SEZ6: variants seen among roughly 807,000 people sequenced by gnomAD.
The protein encoded by SEZ6 is seizure protein 6 homolog.
SEZ6 carries 53 observed loss-of-function variants against 101.0 expected under a neutral mutation model. The ratio of observed to expected loss-of-function variants is 0.52; its 90% CI spans 0.42 to 0.66. SEZ6 has a LOEUF of 0.66. SEZ6 is among the 30% of genes least tolerant of loss of function. SEZ6 has a pLI of 0.00. For synonymous variants in SEZ6, 488 were observed against 512.2 expected (o/e 0.95, Z 0.64); for missense variants, 1,102 against 1,289.4 (o/e 0.85, Z 2.23).
chr17:28,980,207 C>CTT (rs3052135), intron 2 of SEZ6, among the ~76,000 whole-genome samples: 3 of 132,926 alleles, frequency 2.3e-5, no homozygotes, highest in Non-Finnish European at 4.8e-5. Flanking sequence ...TGTTTTCTTT[C>CTT]TTTTTTTTTT....
chr17:28,962,946 A>G (rs967781749), intron 5 of SEZ6, among the ~76,000 whole-genome samples: 1 of 151,964 alleles, frequency 6.6e-6, no homozygotes, highest in Non-Finnish European at 1.5e-5. Context: ...AACATGGTGA[A>G]ACCCCATCTC....
intron 14 of SEZ6, 106 bp downstream of exon 14, chr17:28,956,613 A>T: frequency 2.6e-6 from 4 of 1,517,622 alleles, no homozygotes; most frequent in South Asian, 1.2e-5. Context: ...CTAGGCCCAA[A>T]CCTCTCTCTT....
chr17:28,963,119 G>A (rs1245345333), intron 5 of SEZ6, among the ~76,000 whole-genome samples: 2 of 137,654 alleles, frequency 1.5e-5, no homozygotes. Context: ...GCGAGACTCC[G>A]TCTCGAAGAA....
intron 1 of SEZ6, among the ~76,000 whole-genome samples, chr17:28,992,835 C>T (rs2041483766): frequency 6.6e-6 from 1 of 152,206 alleles, no homozygotes; most frequent in Admixed American, 6.5e-5. Flanking sequence ...AATATGGTCT[C>T]GCCACTGCAG....
At chr17:28,979,924 T>TGG (rs1491031209) in intron 2 of SEZ6, 111 bp from the exon 3 acceptor site, 9 of 1,000,028 alleles carry the variant, frequency 9.0e-6, no homozygotes, top group Non-Finnish European at 6.8e-6. Context: ...TGTGTGTGTG[T>TGG]GGTGAAGACC....
rs759346724 is a variant in SEZ6, at chr17:28,957,232, G to C, written c.2505C>G (p.Leu835=). Residue 835 remains leucine (L), a synonymous_variant, in exon 13 of 17, where the codon CTC becomes CTG. Coordinates refer to ENST00000317338, the MANE Select transcript of SEZ6 (RefSeq NM_178860.5). Reference sequence around the variant, plus strand: ...GGGCACTGAGACCATGGCATGGCTTGAGCTGTTCCACTACAAAGCAGGCAG... The same window carrying C: ...GGGCACTGAGACCATGGCATGGCTTCAGCTGTTCCACTACAAAGCAGGCAG... ...DRAPKCLLEQ[L]KPCHGLSAPE... The C allele has an allele frequency of 9.9e-6, 16 of 1,613,926 alleles. No individual in the cohort carries two copies. Among genetic ancestry groups the C allele is most frequent in the Non-Finnish European group, 1.3e-5 (15 of 1,179,904 alleles).
intron 1 of SEZ6, among the ~76,000 whole-genome samples, chr17:28,982,288 A>G (rs1196136790): frequency 2.6e-5 from 4 of 152,164 alleles, no homozygotes; most frequent in African/African-American, 2.4e-5. Context: ...CCATCCGTGC[A>G]CTATTTCCTA....
intron 15 of SEZ6, 35 bp downstream of exon 15, chr17:28,956,307 GAGGTATGC>G: frequency 1.3e-6 from 2 of 1,582,950 alleles, no homozygotes; most frequent in Non-Finnish European, 1.7e-6. Context: ...GGGTAGGAGT[GAGGTATGC>G]AGGTATGCAG....
Position 28,957,082 on chromosome 17 carries a change from G to A in SEZ6, c.2655C>T (p.Pro885=), listed in dbSNP as rs1429058916. 3.1e-6 allele frequency: 5 copies of A among 1,608,404 alleles called. No individual in the cohort carries two copies. The highest frequency in any genetic ancestry group is 4.3e-6 in the Non-Finnish European group (5 of 1,175,918). ...QASIKCVPGH[P]SHWSDPPPIC... is the part of the protein sequence containing the mutation. ...TGGGTGGGGGGTCACTCCAATGCGA[G>A]GGGTGCCCAGGCACACACTTGATGC... Residue 885 remains proline (P), a synonymous_variant, in exon 13 of 17, where the codon CCC becomes CCT. Transcript: ENST00000317338.
chr17:28,956,792 G>A, intron 13 of SEZ6, 35 bp from the exon 14 acceptor site: 1 of 1,556,066 alleles, frequency 6.4e-7, no homozygotes, highest in Non-Finnish European at 8.7e-7. Flanking sequence ...GGCAGTGAGT[G>A]AGCCCAATGG....
At chr17:28,989,296 TACC>T (rs1408676724) in intron 1 of SEZ6, among the ~76,000 whole-genome samples, 2 of 152,186 alleles carry the variant, frequency 1.3e-5, no homozygotes, top group Non-Finnish European at 2.9e-5. Flanking sequence ...AGTATACATT[TACC>T]ACATGCCCAG....
At chr17:28,990,653 T>G (rs2041443721) in intron 1 of SEZ6, among the ~76,000 whole-genome samples, 1 of 151,944 alleles carries the variant, frequency 6.6e-6, no homozygotes, top group Non-Finnish European at 1.5e-5. Context: ...AGAAGTGGAC[T>G]CAGTGTAGGA....
intron 5 of SEZ6, among the ~76,000 whole-genome samples, chr17:28,962,876 G>C (rs1460356562): frequency 6.6e-6 from 1 of 151,654 alleles, no homozygotes; most frequent in East Asian, 1.9e-4. Flanking sequence ...TGTAATCCCA[G>C]CACTTTGGGA....
At chr17:28,997,639 G>A (rs1182530949) in intron 1 of SEZ6, among the ~76,000 whole-genome samples, 3 of 152,298 alleles carry the variant, frequency 2.0e-5, no homozygotes, top group South Asian at 2.1e-4. Context: ...CTCTCCTGGT[G>A]ATGGACAGTT....
At position 28,958,103 on chromosome 17, in the gene SEZ6, T is replaced by C; in HGVS notation, c.2146A>G (p.Ile716Val). ...RNDTCPELPEIPNGWKSPSQP... is the reference protein window; with the variant it reads ...RNDTCPELPEVPNGWKSPSQP... ...GATGGGCTCTTCCAGCCATTGGGGA[T>C]CTCAGGCAGCTCCGGACATGTGTCA... The change falls in exon 11 of 17, where the codon ATC becomes GTC. Residue 716 changes from isoleucine to valine, a missense_variant. Ile to Val is a conservative substitution (Grantham distance 29, BLOSUM62 3). This residue lies in a region of SEZ6 where 556 missense variants were observed against 735.1 expected (regional missense o/e 0.76). Transcript: ENST00000317338. 4 of 1,606,248 alleles carry C rather than the reference T, an allele frequency of 2.5e-6. No individual in the cohort carries two copies. The highest frequency in any genetic ancestry group is 2.2e-5 in the South Asian group (2 of 90,924).
At chr17:28,958,984 G>T in intron 10 of SEZ6, 41 bp downstream of exon 10, 1 of 1,570,384 alleles carries the variant, frequency 6.4e-7, no homozygotes. Context: ...GCTTGCCATG[G>T]CTTGCTGTCT....
chr17:29,004,703 A>C (rs1416396887), intron 1 of SEZ6, among the ~76,000 whole-genome samples: 1 of 152,040 alleles, frequency 6.6e-6, no homozygotes, highest in Non-Finnish European at 1.5e-5. Flanking sequence ...TTCAAACCAT[A>C]TGGCAAGGGA....
chr17:28,966,058 G>A (rs1704086289), intron 4 of SEZ6, among the ~76,000 whole-genome samples: 2 of 151,668 alleles, frequency 1.3e-5, no homozygotes, highest in South Asian at 2.1e-4. Context: ...CAGGAGAATC[G>A]CTTGGACCGG....
In SEZ6 at chr17:28,959,624, C is replaced by T. The variant is rs1018374354; in HGVS notation, c.1771+74G>A. 1.2e-5 allele frequency: 18 copies of T among 1,531,618 alleles called. No homozygotes were observed. In the African/African-American group the frequency reaches 2.3e-4, roughly 20 times the overall value. The allele number at this position is 1,531,618 out of a possible 1,614,324, so 94.9% of individuals were successfully genotyped here. ...CGCATATCACAGGGCCCCTGTGGCCCCGGGCTCTGCTGCTATTCTCCTGGT... is the reference window on the plus strand; with the variant it reads ...CGCATATCACAGGGCCCCTGTGGCCTCGGGCTCTGCTGCTATTCTCCTGGT... On this transcript the variant is annotated intron_variant, in intron 8 of 16. Coordinates refer to ENST00000317338, the MANE Select transcript of SEZ6 (RefSeq NM_178860.5). This position sits in a 1 kb window ranked among gnomAD's most constrained non-coding sequence, Gnocchi z 4.4.
Sources: allele counts gnomAD v4.1 joint callset (sites outside exome capture counted in the v4.1 genomes callset), GRCh38; gene constraint gnomAD v4.1.1; regional missense constraint gnomAD v4.1.1; non-coding constraint Gnocchi (gnomAD v3.1); transcripts MANE v1.5; gene names NCBI Gene and HGNC (gene_info 2026-07-23, HGNC 2026-07-21).